Variants in KATNAL2 observed in about 807,000 individuals in gnomAD.
The protein encoded by KATNAL2 is katanin catalytic subunit A1 like 2, also known as katanin p60 ATPase-containing subunit A-like 2.
KATNAL2 carries 52 observed loss-of-function variants against 76.3 expected under a neutral mutation model. The ratio of observed to expected loss-of-function variants is 0.68; its 90% CI spans 0.55 to 0.86. KATNAL2 has a LOEUF of 0.86. KATNAL2 is among the 40% of genes least tolerant of loss of function. The pLI is 0.00. For synonymous variants in KATNAL2, 243 were observed against 244.2 expected (o/e 1.00, Z 0.05); for missense variants, 660 against 668.9 (o/e 0.99, Z 0.15).
intron 1 of KATNAL2, among the ~76,000 whole-genome samples, chr18:46,937,292 A>G (rs1429836904): frequency 2.0e-5 from 3 of 152,208 alleles, no homozygotes; most frequent in Non-Finnish European, 4.4e-5. Context: ...TCCTAAAAAT[A>G]TAAAGGTCAT....
In KATNAL2 at chr18:47,052,929, C is replaced by A; in HGVS notation, c.172C>A (p.Arg58=). 6.2e-7 allele frequency: 1 copy of A among 1,611,754 alleles called. No homozygotes were observed. Among genetic ancestry groups the A allele is most frequent in the Admixed American group, 1.7e-5 (1 of 59,726 alleles). Residue 58 remains arginine (R), a synonymous_variant, in exon 5 of 18, where the codon CGA becomes AGA. Transcript: ENST00000683218. ...GGAGCAAGAAACTAAACTGGGGTTA[C>A]GACGGTTTGAAGTTTGTGACAACAT... ...ALEQETKLGL[R]RFEVCDNIDL...
chr18:46,962,136 A>G (rs113521377), intron 3 of KATNAL2, among the ~76,000 whole-genome samples: 5 of 135,724 alleles, frequency 3.7e-5, no homozygotes, highest in African/African-American at 9.9e-5. Context: ...AGAAGCTGGG[A>G]CCACAGGGGC....
rs1232012020 is a variant in KATNAL2, at chr18:47,069,546, T to C, written c.954T>C (p.Ile318=). Residue 318 remains isoleucine, a synonymous_variant, in exon 13 of 18, where the codon ATT becomes ATC. Transcript: ENST00000683218. ...AATGTAAAACAACCTTCTTTAACATTTCTGCATCCACCATTGTCAGCAAAT... is the reference window on the plus strand; with the variant it reads ...AATGTAAAACAACCTTCTTTAACATCTCTGCATCCACCATTGTCAGCAAAT... ...ATECKTTFFN[I]SASTIVSKWR... 1 of 1,614,084 alleles carries C rather than the reference T, an allele frequency of 6.2e-7. No homozygotes were observed. Among genetic ancestry groups the C allele is most frequent in the South Asian group, 1.1e-5 (1 of 91,038 alleles).
intron 3 of KATNAL2, among the ~76,000 whole-genome samples, chr18:47,046,195 G>A (rs189491892): frequency 6.6e-6 from 1 of 152,254 alleles, no homozygotes. Context: ...AGGCCGATTG[G>A]CTCGGCAGGA....
chr18:47,064,102 C>T (rs7236545), intron 10 of KATNAL2, among the ~76,000 whole-genome samples: 7,601 of 152,192 alleles, frequency 0.05, 403 homozygotes, highest in African/African-American at 0.13. Flanking sequence ...CTCTGTTCAG[C>T]TCAGCAGTTG....
intron 1 of KATNAL2, among the ~76,000 whole-genome samples, chr18:46,938,639 T>C (rs2059158338): frequency 6.6e-6 from 1 of 152,216 alleles, no homozygotes. Flanking sequence ...ATCTCCTTGC[T>C]TTCTCTCTCA....
Position 47,069,286 on chromosome 18 carries a change from A to G in KATNAL2, c.889+3A>G. 1 of 1,606,088 alleles carries G rather than the reference A, an allele frequency of 6.2e-7. No individual in the cohort carries two copies. The highest frequency in any genetic ancestry group is 8.5e-7 in the Non-Finnish European group (1 of 1,175,110). ...ACTACTGCTGTACGGCCCTCCAGGT[A>G]AACACAGCTTCCTATTTTGATGTCA... On this transcript the variant is annotated splice_donor_region_variant and intron_variant, in intron 12 of 17. Coordinates refer to ENST00000683218, the MANE Select transcript of KATNAL2 (RefSeq NM_001387690.1).
At chr18:46,945,077 A>C (rs919461963) in intron 1 of KATNAL2, among the ~76,000 whole-genome samples, 2 of 152,222 alleles carry the variant, frequency 1.3e-5, no homozygotes, top group Non-Finnish European at 1.5e-5. Flanking sequence ...CACTATACTA[A>C]CATTGTTTTC....
chr18:47,084,346 T>C, intron 15 of KATNAL2: 1 of 702,934 alleles, frequency 1.4e-6, no homozygotes, highest in Non-Finnish European at 2.6e-6. Context: ...CACATGCATT[T>C]TTGGGCTCCA....
At chr18:47,094,821 TCC>T (rs2063157934) in intron 15 of KATNAL2, among the ~76,000 whole-genome samples, 1 of 152,200 alleles carries the variant, frequency 6.6e-6, no homozygotes, top group Non-Finnish European at 1.5e-5. Context: ...GCCTGGTGTT[TCC>T]CAGCCTGGAG....
At chr18:46,929,797 A>C (rs976092014) in intron 1 of KATNAL2, among the ~76,000 whole-genome samples, 1 of 152,072 alleles carries the variant, frequency 6.6e-6, no homozygotes, top group Non-Finnish European at 1.5e-5. Context: ...TTTTTGAGAC[A>C]GAGTTTCACT....
chr18:47,041,795 G>C (rs927345469), intron 3 of KATNAL2, among the ~76,000 whole-genome samples: 2 of 152,190 alleles, frequency 1.3e-5, no homozygotes, highest in African/African-American at 4.8e-5. Context: ...ACCTGCCAAA[G>C]TGCCTTTCAA....
At chr18:47,046,569 C>A in intron 4 of KATNAL2, 42 bp downstream of exon 4, 1 of 1,297,800 alleles carries the variant, frequency 7.7e-7, no homozygotes, top group Non-Finnish European at 1.1e-6. Context: ...ATTCCTCTTT[C>A]TCTGCTCTCT....
intron 15 of KATNAL2, among the ~76,000 whole-genome samples, chr18:47,081,200 G>A (rs2062502555): frequency 6.6e-6 from 1 of 150,854 alleles, no homozygotes; most frequent in African/African-American, 2.4e-5. Context: ...AACTTCCCAT[G>A]TGTGTCTCAT....
intron 4 of KATNAL2, among the ~76,000 whole-genome samples, chr18:47,051,865 A>G (rs2061348874): frequency 6.6e-6 from 1 of 152,138 alleles, no homozygotes; most frequent in African/African-American, 2.4e-5. Flanking sequence ...AGGAGTTTGA[A>G]AGCAGCCTGG....
chr18:47,053,414 G>A (rs2147099695), intron 5 of KATNAL2, among the ~76,000 whole-genome samples: 1 of 152,282 alleles, frequency 6.6e-6, no homozygotes, highest in African/African-American at 2.4e-5. Context: ...CCTATTATCT[G>A]TCTTGAAAAT....
intron 13 of KATNAL2, among the ~76,000 whole-genome samples, chr18:47,074,673 T>C (rs1843002954): frequency 6.6e-6 from 1 of 152,232 alleles, no homozygotes; most frequent in African/African-American, 2.4e-5. Context: ...TTTTATTTTA[T>C]TCTCAAATAG....
At chr18:46,955,155 T>TTTCTTTCC in intron 3 of KATNAL2, among the ~76,000 whole-genome samples, 1 of 145,512 alleles carries the variant, frequency 6.9e-6, no homozygotes, top group East Asian at 2.0e-4. Context: ...TCTTTCTTTC[T>TTTCTTTCC]TTCTTTCTTT....
chr18:47,067,715 A>C (rs550856185), intron 11 of KATNAL2, among the ~76,000 whole-genome samples: 1 of 152,378 alleles, frequency 6.6e-6, no homozygotes, highest in South Asian at 2.1e-4. Context: ...TGAGGAGATA[A>C]GTGATAACTT....
Sources: allele counts gnomAD v4.1 joint callset (sites outside exome capture counted in the v4.1 genomes callset), GRCh38; gene constraint gnomAD v4.1.1; transcripts MANE v1.5; gene names NCBI Gene and HGNC (gene_info 2026-07-23, HGNC 2026-07-21).